KCNMA1: variants seen among roughly 807,000 people sequenced by gnomAD.
The protein encoded by KCNMA1 is potassium calcium-activated channel subfamily M alpha 1.
KCNMA1 carries 29 observed loss-of-function variants against 140.0 expected under a neutral mutation model. The observed-to-expected ratio is 0.21, with a 90% CI of 0.15 to 0.28. The LOEUF (loss-of-function observed/expected upper bound fraction) is 0.28, where lower values mean the gene tolerates loss of function less well. Among genes scored for constraint, KCNMA1 ranks in the 10% least tolerant of loss-of-function variants. The pLI, the probability that KCNMA1 is intolerant of heterozygous loss-of-function variation, is 1.00. For synonymous variants in KCNMA1, 612 were observed against 611.9 expected (o/e 1.00, Z 0.00); for missense variants, 880 against 1,602.2 (o/e 0.55, Z 7.70).
At chr10:77,486,117 C>T (rs1359491588) in intron 1 of KCNMA1, among the ~76,000 whole-genome samples, 1 of 152,116 alleles carries the variant, frequency 6.6e-6, no homozygotes, top group African/African-American at 2.4e-5. Flanking sequence ...AATGTCAATA[C>T]CAGGTCAAAA....
At chr10:77,151,364 G>T (rs145651827) in intron 5 of KCNMA1, among the ~76,000 whole-genome samples, 1 of 90 alleles carries the variant, frequency 0.011, no homozygotes, top group Non-Finnish European at 0.017. Flanking sequence ...AGTAGCTAGG[G>T]ACTCAGGTGA....
chr10:77,249,203 A>G (rs1014345409), intron 3 of KCNMA1, among the ~76,000 whole-genome samples: 4 of 152,228 alleles, frequency 2.6e-5, no homozygotes, highest in African/African-American at 9.6e-5. Context: ...TTGCAAGTTC[A>G]TAAAAGAAAC....
At chr10:77,069,592 T>C (rs1243416860) in intron 14 of KCNMA1, among the ~76,000 whole-genome samples, 1 of 152,016 alleles carries the variant, frequency 6.6e-6, no homozygotes, top group Non-Finnish European at 1.5e-5. Context: ...CCCAAAGATA[T>C]GGGGGTATAT....
intron 1 of KCNMA1, among the ~76,000 whole-genome samples, chr10:77,562,345 G>A (rs1264151024): frequency 2.0e-5 from 3 of 152,114 alleles, no homozygotes; most frequent in Non-Finnish European, 2.9e-5. Flanking sequence ...CATTGAAGGC[G>A]GCTTCTAAAT....
At chr10:77,343,524 C>T (rs2091478746) in intron 2 of KCNMA1, among the ~76,000 whole-genome samples, 1 of 152,124 alleles carries the variant, frequency 6.6e-6, no homozygotes, top group African/African-American at 2.4e-5. Flanking sequence ...GCCTTCCTGG[C>T]TGTTGGCATT....
intron 5 of KCNMA1, among the ~76,000 whole-genome samples, chr10:77,177,725 T>G (rs2098765398): frequency 6.6e-6 from 1 of 152,058 alleles, no homozygotes; most frequent in South Asian, 2.1e-4. Context: ...AGCCCCAGCC[T>G]CTCACAGAAG....
intron 19 of KCNMA1, among the ~76,000 whole-genome samples, chr10:77,001,046 TC>T: frequency 6.6e-6 from 1 of 151,812 alleles, no homozygotes; most frequent in African/African-American, 2.4e-5. Flanking sequence ...TACAGCCATT[TC>T]AAAAATATTA....
At chr10:77,005,154 C>CTAGT (rs1208766144) in intron 18 of KCNMA1, among the ~76,000 whole-genome samples, 3 of 152,176 alleles carry the variant, frequency 2.0e-5, no homozygotes, top group African/African-American at 7.2e-5. Flanking sequence ...GGAAGAGCAG[C>CTAGT]TAGTTCATGG....
At chr10:77,188,169 GA>G (rs199737220) in intron 3 of KCNMA1, among the ~76,000 whole-genome samples, 2 of 147,862 alleles carry the variant, frequency 1.4e-5, no homozygotes, top group African/African-American at 5.0e-5. Context: ...GTGCTTTAAA[GA>G]AAAAAAAACT....
In KCNMA1 at chr10:77,637,657, A is replaced by C; in HGVS notation, c.-15T>G. ...CCATTTGCCATAGCTAGCAACGGGCAGCCGGCGCAGGGGCTCGGGGGAGCT... is the reference window on the plus strand; with the variant it reads ...CCATTTGCCATAGCTAGCAACGGGCCGCCGGCGCAGGGGCTCGGGGGAGCT... On this transcript the variant is annotated 5_prime_UTR_variant, in exon 1 of 28. Coordinates refer to ENST00000286628, the MANE Select transcript of KCNMA1 (RefSeq NM_001161352.2). 6.7e-7 allele frequency: 1 copy of C among 1,496,146 alleles called. No homozygotes were observed. The highest frequency in any genetic ancestry group is 2.2e-5 in the Admixed American group (1 of 46,408). The allele number at this position is 1,496,146 out of a possible 1,614,324, so 92.7% of individuals were successfully genotyped here.
At chr10:77,319,352 A>C (rs1177809407) in intron 2 of KCNMA1, among the ~76,000 whole-genome samples, 1 of 152,210 alleles carries the variant, frequency 6.6e-6, no homozygotes, top group African/African-American at 2.4e-5. Context: ...CAGAAAAGGA[A>C]TTTAAATCAC....
At chr10:77,532,492 T>A (rs144036245) in intron 1 of KCNMA1, among the ~76,000 whole-genome samples, 1 of 152,310 alleles carries the variant, frequency 6.6e-6, no homozygotes, top group African/African-American at 2.4e-5. Context: ...GTAGGGTTGG[T>A]TTATTTTTTC....
intron 1 of KCNMA1, among the ~76,000 whole-genome samples, chr10:77,406,558 C>A (rs911934447): frequency 6.6e-6 from 1 of 152,142 alleles, no homozygotes; most frequent in African/African-American, 2.4e-5. Context: ...AGATGTCAGG[C>A]ACTTCTGATG....
intron 1 of KCNMA1, among the ~76,000 whole-genome samples, chr10:77,461,110 A>G (rs1314497436): frequency 6.7e-6 from 1 of 148,156 alleles, no homozygotes; most frequent in Non-Finnish European, 1.5e-5. Flanking sequence ...CTGTCTCAAG[A>G]AAAAAAAAAA....
intron 1 of KCNMA1, among the ~76,000 whole-genome samples, chr10:77,526,809 G>C (rs1458744597): frequency 1.3e-5 from 2 of 152,016 alleles, no homozygotes; most frequent in Non-Finnish European, 2.9e-5. Flanking sequence ...CAGTAGACAT[G>C]GGTTTCCTTC....
chr10:77,087,134 G>A (rs889541815), intron 10 of KCNMA1, among the ~76,000 whole-genome samples: 4 of 152,202 alleles, frequency 2.6e-5, no homozygotes, highest in South Asian at 2.1e-4. Flanking sequence ...CTTTCCTGCC[G>A]GCTTGAACTG....
chr10:76,927,067 C>T (rs1024158617), intron 23 of KCNMA1, among the ~76,000 whole-genome samples: 2 of 152,022 alleles, frequency 1.3e-5, no homozygotes, highest in African/African-American at 4.8e-5. Flanking sequence ...ACTCTAAGGC[C>T]CTCTCAGCTT....
intron 2 of KCNMA1, among the ~76,000 whole-genome samples, chr10:77,284,495 G>C (rs1302881796): frequency 6.6e-6 from 1 of 152,096 alleles, no homozygotes; most frequent in South Asian, 2.1e-4. Flanking sequence ...TTTCAGGGGA[G>C]ACTCTGTTGT....
At chr10:76,981,091 G>C (rs546831718) in intron 19 of KCNMA1, among the ~76,000 whole-genome samples, 21 of 152,294 alleles carry the variant, frequency 1.4e-4, no homozygotes, top group African/African-American at 4.8e-4. Context: ...AGAGCAATGA[G>C]AGTTCTCTGC....
Sources: gnomAD v4.1 joint callset for allele counts (sites outside exome capture counted in the v4.1 genomes callset) on GRCh38, gnomAD v4.1.1 for gene constraint, MANE v1.5 for transcripts, NCBI Gene and HGNC (gene_info 2026-07-23, HGNC 2026-07-21) for gene names.